Variants in KNDC1 observed in about 807,000 individuals in gnomAD.
KNDC1 encodes the protein kinase non-catalytic C-lobe domain-containing protein 1.
Under a neutral mutation model 172.8 loss-of-function variants are expected in KNDC1, and 106 were observed. The ratio of observed to expected loss-of-function variants is 0.61; its 90% CI spans 0.52 to 0.72. The LOEUF (loss-of-function observed/expected upper bound fraction) is 0.72. Ranked by LOEUF, KNDC1 falls within the 30% of genes least tolerant of loss-of-function variation. The probability of loss-of-function intolerance (pLI) is 0.00; values close to 1 mark genes in which losing one functional copy is unlikely to be tolerated. For missense variants in KNDC1, 2,325 were observed against 2,394.5 expected (o/e 0.97, Z 0.61); for synonymous variants, 1,083 against 1,062.2 (o/e 1.02, Z -0.38).
intron 3 of KNDC1, among the ~76,000 whole-genome samples, chr10:133,169,611 A>G (rs1853306817): frequency 1.3e-5 from 2 of 152,244 alleles, no homozygotes; most frequent in Admixed American, 6.5e-5. Context: ...AGTGCACCCC[A>G]GCGTCCAGAA....
chr10:133,211,997 A>G, intron 23 of KNDC1, 139 bp downstream of exon 23: 1 of 773,382 alleles, frequency 1.3e-6, no homozygotes, highest in Admixed American at 3.2e-5. Flanking sequence ...GCATACACAT[A>G]GACGTGTGCA....
intron 7 of KNDC1, 60 bp downstream of exon 7, chr10:133,188,713 C>G: frequency 1.2e-6 from 1 of 824,612 alleles, no homozygotes; most frequent in Non-Finnish European, 1.8e-6. Flanking sequence ...TGTTCCACCC[C>G]CCACCGCCGT....
At chr10:133,167,612 G>A in intron 2 of KNDC1, 33 bp downstream of exon 2, 2 of 1,546,310 alleles carry the variant, frequency 1.3e-6, no homozygotes, top group Non-Finnish European at 1.7e-6. Context: ...GGCGGCGGCG[G>A]GCACGCGGGG....
chr10:133,173,956 C>T (rs1853451162), intron 3 of KNDC1: 1 of 152,334 alleles, frequency 6.6e-6, no homozygotes, highest in Non-Finnish European at 1.5e-5. Context: ...GCTCCCCTCT[C>T]CACCCCGCTG....
chr10:133,167,639 G>C, intron 2 of KNDC1, 60 bp downstream of exon 2: 5 of 1,505,868 alleles, frequency 3.3e-6, no homozygotes, highest in East Asian at 2.5e-5. Context: ...TGCCTTTCAG[G>C]GGGGATGTGA....
In KNDC1 at chr10:133,163,611, C is replaced by A. The variant is rs1358662527; in HGVS notation, c.102+3042C>A. 6.6e-6 allele frequency among the ~76,000 whole-genome samples: 1 copy of A among 152,066 alleles called. No homozygotes were observed. The highest frequency in any genetic ancestry group is 1.9e-4 in the East Asian group (1 of 5,192). Reference sequence around the variant, plus strand: ...TTGTATTAGTCCTGTTAGAATCCCACGGCTGAAAAAAATCAGTTGGTCATA... The same window carrying A: ...TTGTATTAGTCCTGTTAGAATCCCAAGGCTGAAAAAAATCAGTTGGTCATA... On this transcript the variant is annotated intron_variant, in intron 1 of 29. Transcript: ENST00000304613. This position sits in a 1 kb window ranked among gnomAD's most constrained non-coding sequence, Gnocchi z 4.4.
In KNDC1 at chr10:133,160,411, C is replaced by A. The variant is rs1852921459; in HGVS notation, c.-57C>A. On this transcript the variant is annotated 5_prime_UTR_variant, in exon 1 of 30. Coordinates refer to ENST00000304613, the MANE Select transcript of KNDC1 (RefSeq NM_152643.8). Reference sequence around the variant, plus strand: ...TCCATGGAGCCAGGGCGCGCGTAGCCGAGCCCAGCCCAGCCCAGCCGGAGG... The same window carrying A: ...TCCATGGAGCCAGGGCGCGCGTAGCAGAGCCCAGCCCAGCCCAGCCGGAGG... 4 of 1,134,640 alleles carry A rather than the reference C, an allele frequency of 3.5e-6. No homozygotes were observed. The highest frequency in any genetic ancestry group is 4.6e-6 in the Non-Finnish European group (4 of 870,396). 70.3% of individuals were successfully genotyped at this position (1,134,640 alleles called of 1,614,324 possible). A position where few individuals can be genotyped will look rare whatever the true frequency, so the allele number is the denominator to read the frequency against.
intron 1 of KNDC1, among the ~76,000 whole-genome samples, chr10:133,165,563 T>G (rs1375118564): frequency 6.6e-6 from 1 of 152,220 alleles, no homozygotes; most frequent in Non-Finnish European, 1.5e-5. Context: ...TCAGACTGAC[T>G]TACCGCTTGG....
At chr10:133,214,459 G>T (rs1269906292) in intron 26 of KNDC1, among the ~76,000 whole-genome samples, 1 of 152,158 alleles carries the variant, frequency 6.6e-6, no homozygotes, top group African/African-American at 2.4e-5. Context: ...GCTGTGGGCC[G>T]CCTGGAGACC....
At position 133,225,179 on chromosome 10, in the gene KNDC1, G is replaced by C. The variant is rs949164116; in HGVS notation, c.*289G>C. ...ATGAAAATGAAAGACAGCTTCCCAG[G>C]AGTTTTGTGCCTGTCTGCGCCTCTC... On this transcript the variant is annotated 3_prime_UTR_variant, in exon 30 of 30. Transcript: ENST00000304613. The C allele has an allele frequency of 1.8e-5, 7 of 387,280 alleles. No homozygotes were observed. In the Admixed American group the frequency reaches 2.0e-4, roughly 11 times the overall value. The allele number at this position is 387,280 out of a possible 1,614,324, so 24.0% of individuals were successfully genotyped here. A position where few individuals can be genotyped will look rare whatever the true frequency, so the allele number is the denominator to read the frequency against.
intron 26 of KNDC1, among the ~76,000 whole-genome samples, chr10:133,214,361 A>G (rs1845435158): frequency 6.6e-6 from 1 of 152,036 alleles, no homozygotes; most frequent in South Asian, 2.1e-4. Context: ...TGCCACATCC[A>G]CGGCCACATC....
chr10:133,195,289 G>A (rs373906174), intron 9 of KNDC1, among the ~76,000 whole-genome samples: 17 of 152,270 alleles, frequency 1.1e-4, no homozygotes, highest in African/African-American at 3.9e-4. Flanking sequence ...TCCGGGAGCA[G>A]GCACCAGTCG....
chr10:133,179,272 AGTGAG>A (rs1853646091), intron 3 of KNDC1: 1 of 152,198 alleles, frequency 6.6e-6, no homozygotes, highest in Admixed American at 6.5e-5. Flanking sequence ...AGCCCTGGCC[AGTGAG>A]GCCCTGTCTG....
intron 3 of KNDC1, among the ~76,000 whole-genome samples, chr10:133,183,079 C>T (rs879035932): frequency 1.2e-4 from 18 of 150,658 alleles, no homozygotes; most frequent in South Asian, 6.3e-4. Context: ...GCGGCGTGGG[C>T]ACGGGCAGTG....
At position 133,171,631 on chromosome 10, in the gene KNDC1, AT is replaced by A. The variant is rs1430477416; in HGVS notation, c.360+3320del. Among the ~76,000 whole-genome samples, 5 of 151,864 alleles carry A rather than the reference AT, an allele frequency of 3.3e-5. No individual in the cohort carries two copies. The East Asian group carries it at 9.7e-4, about 30-fold the overall frequency. On this transcript the variant is annotated intron_variant, in intron 3 of 29. Coordinates refer to ENST00000304613, the MANE Select transcript of KNDC1 (RefSeq NM_152643.8). ...GTTTGTTTGTTGCTAGTCTACAGAA[AT>A]GCAATGCACTTTTTTTTCTTTCGAG...
intron 16 of KNDC1, 31 bp downstream of exon 16, chr10:133,200,491 C>G: frequency 1.4e-6 from 2 of 1,460,804 alleles, no homozygotes; most frequent in Non-Finnish European, 1.8e-6. Context: ...GCGGCAGGAG[C>G]TCTGCTGGGC....
chr10:133,184,188 C>G (rs1853814864), intron 5 of KNDC1, among the ~76,000 whole-genome samples, 199 bp downstream of exon 5: 1 of 147,346 alleles, frequency 6.8e-6, no homozygotes, highest in Non-Finnish European at 1.5e-5. Context: ...ACACACACAC[C>G]TATGCACATG....
rs897631130 is a variant in KNDC1, at chr10:133,167,205, G to A, written c.103-176G>A. The A allele has an allele frequency of 4.7e-6, 3 of 637,464 alleles. No homozygotes were observed. In the Admixed American group the frequency reaches 8.8e-5, roughly 19 times the overall value. The allele number at this position is 637,464 out of a possible 1,614,324, so 39.5% of individuals were successfully genotyped here. A position where few individuals can be genotyped will look rare whatever the true frequency, so the allele number is the denominator to read the frequency against. ...AAATGTTCCGTGGCTCTGACGTCCA[G>A]GGAACAGCAGGACGACTCTTGAAAC... is the stretch of plus-strand genomic sequence containing the variant. On this transcript the variant is annotated intron_variant, in intron 1 of 29. Coordinates refer to ENST00000304613, the MANE Select transcript of KNDC1 (RefSeq NM_152643.8).
chr10:133,190,408 C>G lies in KNDC1; in HGVS notation c.1575+595C>G, dbSNP rs990157197. Among the ~76,000 whole-genome samples, 45 of 152,032 alleles carry G rather than the reference C, an allele frequency of 3.0e-4. 1 individual carries two copies. Among genetic ancestry groups the G allele is most frequent in the African/African-American group, 4.8e-5 (2 of 41,472 alleles). ...AACACCCTGCAGTAAGCACCCTGCA[C>G]TAAGCACCCTGCAGTAAGCACCCTG... On this transcript the variant is annotated intron_variant, in intron 9 of 29. Transcript: ENST00000304613.
Sources: allele counts gnomAD v4.1 joint callset (sites outside exome capture counted in the v4.1 genomes callset), GRCh38; gene constraint gnomAD v4.1.1; non-coding constraint Gnocchi (gnomAD v3.1); transcripts MANE v1.5; gene names NCBI Gene and HGNC (gene_info 2026-07-23, HGNC 2026-07-21).